Variants in RBFOX3 observed in about 807,000 individuals in gnomAD.
The protein encoded by RBFOX3 is RNA binding protein fox-1 homolog 3.
RBFOX3 carries 17 observed loss-of-function variants against 48.7 expected under a neutral mutation model. The ratio of observed to expected loss-of-function variants is 0.35; its 90% CI spans 0.24 to 0.52. The LOEUF is 0.52. RBFOX3 is among the 20% of genes least tolerant of loss of function. The pLI, the probability that RBFOX3 is intolerant of heterozygous loss-of-function variation, is 0.94. For synonymous variants in RBFOX3, 212 were observed against 209.5 expected (o/e 1.01, Z -0.10); for missense variants, 382 against 497.5 (o/e 0.77, Z 2.21).
chr17:79,138,812 C>T (rs1384367680), intron 4 of RBFOX3, among the ~76,000 whole-genome samples: 1 of 120,014 alleles, frequency 8.3e-6, no homozygotes, highest in African/African-American at 3.2e-5. Flanking sequence ...CACACACATG[C>T]GTTCACACCC....
At chr17:79,119,814 G>A (rs951035163) in intron 4 of RBFOX3, among the ~76,000 whole-genome samples, 2 of 152,164 alleles carry the variant, frequency 1.3e-5, no homozygotes, top group African/African-American at 4.8e-5. Context: ...CTCAGAGCTG[G>A]CTACACATCC....
At chr17:79,120,834 GC>G (rs2035552686) in intron 4 of RBFOX3, among the ~76,000 whole-genome samples, 1 of 151,892 alleles carries the variant, frequency 6.6e-6, no homozygotes, top group African/African-American at 2.4e-5. Flanking sequence ...CTACAAACTT[GC>G]CCCCCTCTTC....
At chr17:79,494,959 T>C (rs2149648817) in intron 1 of RBFOX3, among the ~76,000 whole-genome samples, 1 of 152,282 alleles carries the variant, frequency 6.6e-6, no homozygotes, top group Admixed American at 6.5e-5. Context: ...CGAGGAGGAC[T>C]TGGAACCACC....
chr17:79,398,575 G>A (rs565983455), intron 2 of RBFOX3, among the ~76,000 whole-genome samples: 121 of 152,292 alleles, frequency 7.9e-4, no homozygotes, highest in African/African-American at 2.7e-3. Flanking sequence ...AGGGGCTTCT[G>A]GCATCTGGTG....
intron 4 of RBFOX3, among the ~76,000 whole-genome samples, chr17:79,215,021 C>T (rs67775867): frequency 3.4e-4 from 52 of 152,064 alleles, no homozygotes; most frequent in Non-Finnish European, 5.0e-4. Flanking sequence ...CAAGACCCAG[C>T]GGCTGCAGGG....
At chr17:79,478,187 C>G (rs2078233119) in intron 2 of RBFOX3, among the ~76,000 whole-genome samples, 1 of 152,194 alleles carries the variant, frequency 6.6e-6, no homozygotes, top group South Asian at 2.1e-4. Flanking sequence ...TCCAGTTTAA[C>G]AGCTTTTAAA....
At chr17:79,149,636 C>G (rs1344222183) in intron 4 of RBFOX3, among the ~76,000 whole-genome samples, 1 of 152,040 alleles carries the variant, frequency 6.6e-6, no homozygotes, top group African/African-American at 2.4e-5. Flanking sequence ...TGGACCGTCC[C>G]CACACACTGC....
At position 79,429,728 on chromosome 17, in the gene RBFOX3, G is replaced by A. The variant is rs115302960; in HGVS notation, c.-175+52726C>T. ...ACAGAAGACAAAACCGAGGCCATGG[G>A]AATCAATGACTCGTCGGGGCCACAT... On this transcript the variant is annotated intron_variant, in intron 2 of 14. Transcript: ENST00000693108. 4.6e-3 allele frequency among the ~76,000 whole-genome samples: 703 copies of A among 152,212 alleles called. 13 individuals carry two copies. The highest frequency in any genetic ancestry group is 0.017 in the Middle Eastern group (5 of 294).
Position 79,111,331 on chromosome 17 carries a change from C to T in RBFOX3, c.222+4163G>A, listed in dbSNP as rs2031375601. 6.6e-6 allele frequency among the ~76,000 whole-genome samples: 1 copy of T among 152,134 alleles called. No individual in the cohort carries two copies. The highest frequency in any genetic ancestry group is 1.5e-5 in the Non-Finnish European group (1 of 68,022). On this transcript the variant is annotated intron_variant, in intron 5 of 14. Coordinates refer to ENST00000693108, the MANE Select transcript of RBFOX3 (RefSeq NM_001350451.2). This position sits in a 1 kb window ranked among gnomAD's most constrained non-coding sequence, Gnocchi z 4.2. ...GGGTCCCTTCTGGCAGGTGGAGGAG[C>T]CCACGTGGGCTCTGGAAAACACCAG... is the stretch of plus-strand genomic sequence containing the variant.
In RBFOX3 at chr17:79,097,794, C is replaced by G. The variant is rs183605684; in HGVS notation, c.569-49G>C. 1.3e-4 allele frequency: 196 copies of G among 1,536,660 alleles called. 2 individuals are homozygous for G. In the African/African-American group the frequency reaches 2.2e-3, roughly 17 times the overall value. The stretch of plus-strand genomic sequence containing the variant: ...AGTCACTGCCTTCCCCGACCCTTTT[C>G]CCACCAAAACGTATGCCTGGGAACC... On this transcript the variant is annotated intron_variant, in intron 9 of 14. Coordinates refer to ENST00000693108, the MANE Select transcript of RBFOX3 (RefSeq NM_001350451.2).
intron 1 of RBFOX3, among the ~76,000 whole-genome samples, chr17:79,568,070 ACTT>A (rs1176203780): frequency 6.6e-6 from 1 of 152,094 alleles, no homozygotes; most frequent in Non-Finnish European, 1.5e-5. Flanking sequence ...TGCGCTGGGT[ACTT>A]CTTATCTTCC....
At chr17:79,352,885 C>CA (rs2084238404) in intron 2 of RBFOX3, among the ~76,000 whole-genome samples, 1 of 152,218 alleles carries the variant, frequency 6.6e-6, no homozygotes, top group Non-Finnish European at 1.5e-5. Context: ...ACTGGGGCCA[C>CA]ATCAGTTCTA....
At chr17:79,218,570 C>A (rs1271485331) in intron 4 of RBFOX3, among the ~76,000 whole-genome samples, 1 of 152,148 alleles carries the variant, frequency 6.6e-6, no homozygotes, top group Non-Finnish European at 1.5e-5. Flanking sequence ...CCAGAGGAGC[C>A]CGGCAATCAG....
intron 4 of RBFOX3, among the ~76,000 whole-genome samples, chr17:79,153,649 A>G (rs2045096460): frequency 6.6e-6 from 1 of 152,116 alleles, no homozygotes; most frequent in Non-Finnish European, 1.5e-5. Context: ...CCTTCCTCCC[A>G]ATCCTTACTT....
At chr17:79,393,563 A>G (rs1026937917) in intron 2 of RBFOX3, among the ~76,000 whole-genome samples, 1 of 152,234 alleles carries the variant, frequency 6.6e-6, no homozygotes, top group Admixed American at 6.5e-5. Flanking sequence ...GCGGGTCATC[A>G]CACACATCGG....
intron 1 of RBFOX3, among the ~76,000 whole-genome samples, chr17:79,610,134 GC>G (rs1437135512): frequency 1.3e-5 from 2 of 151,964 alleles, no homozygotes; most frequent in Non-Finnish European, 2.9e-5. Context: ...TCGCTGCTCG[GC>G]CCCCGCGCAC....
At chr17:79,356,620 T>G (rs2085178030) in intron 2 of RBFOX3, among the ~76,000 whole-genome samples, 1 of 151,798 alleles carries the variant, frequency 6.6e-6, no homozygotes, top group Non-Finnish European at 1.5e-5. Flanking sequence ...CCACCCACCT[T>G]GGCCTCCCAA....
At chr17:79,483,429 C>T (rs1310877363) in intron 1 of RBFOX3, among the ~76,000 whole-genome samples, 1 of 47,770 alleles carries the variant, frequency 2.1e-5, no homozygotes, top group African/African-American at 8.1e-5. Context: ...CTTCCCTGCA[C>T]AATTGCAGGC....
intron 2 of RBFOX3, among the ~76,000 whole-genome samples, chr17:79,350,320 CT>C (rs1232846084): frequency 1.3e-5 from 2 of 152,228 alleles, no homozygotes. Flanking sequence ...TTCTCCAACT[CT>C]TCCCTGGTCA....
Sources: allele counts gnomAD v4.1 joint callset (sites outside exome capture counted in the v4.1 genomes callset), GRCh38; gene constraint gnomAD v4.1.1; non-coding constraint Gnocchi (gnomAD v3.1); transcripts MANE v1.5; gene names NCBI Gene and HGNC (gene_info 2026-07-23, HGNC 2026-07-21).